GALNT16: variants seen among roughly 807,000 people sequenced by gnomAD.
GALNT16 encodes the protein polypeptide N-acetylgalactosaminyltransferase 16.
In GALNT16, 40 loss-of-function variants were observed where a neutral mutation model predicts 76.1. The ratio of observed to expected loss-of-function variants is 0.53; its 90% CI spans 0.41 to 0.68. The LOEUF is 0.68. GALNT16 is among the 30% of genes least tolerant of loss of function. GALNT16 has a pLI of 0.00. For missense variants in GALNT16, 621 were observed against 731.9 expected, an observed-to-expected ratio of 0.85 and a Z score of 1.75; for synonymous variants, 276 against 285.2, an observed-to-expected ratio of 0.97 and a Z score of 0.32.
chr14:69,289,858 C>T (rs1347145904), intron 1 of GALNT16, among the ~76,000 whole-genome samples: 3 of 152,024 alleles, frequency 2.0e-5, no homozygotes, highest in Non-Finnish European at 2.9e-5. Flanking sequence ...CTCAACTTCC[C>T]GAATAGCTGG....
At chr14:69,377,410 TGTG>T in the GALNT16 span, among the ~76,000 whole-genome samples, 4 of 152,240 alleles carry the variant, frequency 2.6e-5, no homozygotes, top group Non-Finnish European at 4.4e-5. Flanking sequence ...AAAGGGTTGC[TGTG>T]ATGATAAATA....
At chr14:69,350,347 A>G (rs1388147629) in intron 14 of GALNT16, 3 of 152,248 alleles carry the variant, frequency 2.0e-5, no homozygotes, top group Non-Finnish European at 4.4e-5. Context: ...AGGGAGTAAG[A>G]CACTATATTA....
At chr14:69,373,130 A>G in the GALNT16 span, among the ~76,000 whole-genome samples, 5 of 152,204 alleles carry the variant, frequency 3.3e-5, no homozygotes, top group African/African-American at 1.2e-4. Context: ...TGGAACAGAC[A>G]CTAAAAGACT....
At chr14:69,349,177 T>C (rs969324074) in intron 14 of GALNT16, 2 of 152,238 alleles carry the variant, frequency 1.3e-5, no homozygotes, top group African/African-American at 2.4e-5. Flanking sequence ...TTTTGGATGG[T>C]GGGGGGATGC....
chr14:69,346,169 C>T (rs1051081196), intron 12 of GALNT16, among the ~76,000 whole-genome samples: 4 of 152,096 alleles, frequency 2.6e-5, no homozygotes, highest in Admixed American at 1.3e-4. Flanking sequence ...GCTGGGATTA[C>T]AGGTGTGGGC....
chr14:69,265,514 A>G (rs2044331869), intron 1 of GALNT16, among the ~76,000 whole-genome samples: 1 of 152,210 alleles, frequency 6.6e-6, no homozygotes, highest in African/African-American at 2.4e-5. Context: ...TGAGTTGCCC[A>G]CGGGACTGTC....
intron 1 of GALNT16, among the ~76,000 whole-genome samples, chr14:69,267,007 G>T (rs975566556): frequency 6.6e-6 from 1 of 152,222 alleles, no homozygotes; most frequent in African/African-American, 2.4e-5. Context: ...TTTCTGCCTG[G>T]TGGAGGCACC....
At chr14:69,277,035 C>A (rs986811162) in intron 1 of GALNT16, among the ~76,000 whole-genome samples, 14 of 152,166 alleles carry the variant, frequency 9.2e-5, no homozygotes, top group Non-Finnish European at 1.5e-4. Context: ...ATTGAAGGCA[C>A]TGGTCATGGA....
intron 14 of GALNT16, chr14:69,349,431 G>C (rs2045605751): frequency 6.6e-6 from 1 of 152,322 alleles, no homozygotes; most frequent in Admixed American, 6.5e-5. Context: ...GCCCCTGCAA[G>C]TCCTGCCAGG....
the GALNT16 span, among the ~76,000 whole-genome samples, chr14:69,384,215 T>A: frequency 1.3e-5 from 2 of 152,184 alleles, no homozygotes; most frequent in African/African-American, 4.8e-5. Context: ...AGAACATGCT[T>A]GTAATTAAAA....
chr14:69,376,075 T>C, the GALNT16 span, among the ~76,000 whole-genome samples: 1 of 152,100 alleles, frequency 6.6e-6, no homozygotes, highest in Admixed American at 6.6e-5. Flanking sequence ...CTCACTCTGC[T>C]ATCCAGGCTG....
the GALNT16 span, among the ~76,000 whole-genome samples, chr14:69,369,658 G>A: frequency 7.2e-5 from 11 of 152,288 alleles, no homozygotes; most frequent in East Asian, 1.9e-3. Context: ...ACGCAACCAC[G>A]TGCACTCAAA....
the GALNT16 span, among the ~76,000 whole-genome samples, chr14:69,369,770 A>G: frequency 6.6e-6 from 1 of 152,358 alleles, no homozygotes; most frequent in East Asian, 1.9e-4. Context: ...TGACAAAATC[A>G]GCTGTCAACT....
intron 1 of GALNT16, among the ~76,000 whole-genome samples, chr14:69,271,301 GGGCTA>G (rs1236815523): frequency 6.6e-6 from 1 of 152,198 alleles, no homozygotes; most frequent in African/African-American, 2.4e-5. Flanking sequence ...GGGTGAGGAT[GGGCTA>G]GCTCAAGACC....
the GALNT16 span, among the ~76,000 whole-genome samples, chr14:69,362,817 C>T: frequency 6.6e-6 from 1 of 152,194 alleles, no homozygotes; most frequent in African/African-American, 2.4e-5. Flanking sequence ...TGTCTCCAGC[C>T]ACCAGGGCAA....
At chr14:69,307,119 A>G (rs1015066489) in intron 1 of GALNT16, among the ~76,000 whole-genome samples, 3 of 152,114 alleles carry the variant, frequency 2.0e-5, no homozygotes, top group South Asian at 2.1e-4. Context: ...CCTCTGTTCT[A>G]GAATCCTTTG....
chr14:69,326,945 G>C (rs2045294070), intron 5 of GALNT16, among the ~76,000 whole-genome samples: 1 of 152,182 alleles, frequency 6.6e-6, no homozygotes, highest in Admixed American at 6.5e-5. Flanking sequence ...CGAGACCCCA[G>C]GCCTGGTCAG....
At chr14:69,270,713 T>G (rs1464582867) in intron 1 of GALNT16, among the ~76,000 whole-genome samples, 1 of 152,212 alleles carries the variant, frequency 6.6e-6, no homozygotes, top group Non-Finnish European at 1.5e-5. Context: ...GTGACCTGAT[T>G]ATTTCCTTGG....
At chr14:69,302,126 T>C (rs987895282) in intron 1 of GALNT16, among the ~76,000 whole-genome samples, 2 of 152,154 alleles carry the variant, frequency 1.3e-5, no homozygotes, top group East Asian at 1.9e-4. Context: ...AGTTCATAAC[T>C]CCCTGATTTA....
Sources: allele counts gnomAD v4.1 joint callset (sites outside exome capture counted in the v4.1 genomes callset), GRCh38; gene constraint gnomAD v4.1.1; transcripts MANE v1.5; gene names NCBI Gene and HGNC (gene_info 2026-07-23, HGNC 2026-07-21).